UST: variants seen among roughly 807,000 people sequenced by gnomAD.
UST encodes the protein chondroitin sulfate 2-O-sulfotransferase.
UST carries 21 observed loss-of-function variants against 45.6 expected under a neutral mutation model. The observed-to-expected ratio is 0.46, with a 90% CI of 0.33 to 0.66. The LOEUF is 0.66. UST is among the 30% of genes least tolerant of loss of function. The probability of loss-of-function intolerance (pLI) is 0.02; values close to 1 mark genes in which losing one functional copy is unlikely to be tolerated. For synonymous variants in UST, 215 were observed against 200.6 expected (o/e 1.07, Z -0.61); for missense variants, 463 against 512.4 (o/e 0.90, Z 0.93).
rs1039993938 is a variant in UST, at chr6:148,923,051, G to A, written c.292-18228G>A. Among the ~76,000 whole-genome samples the A allele has an allele frequency of 1.4e-4, 21 of 152,220 alleles. No individual in the cohort carries two copies. The East Asian group carries it at 3.9e-3, about 28-fold the overall frequency. ...GGCCTCAAGTGATCCACCCATCTCG[G>A]CCTCCCAAAGTGCTGAGATTACAGG... On this transcript the variant is annotated intron_variant, in intron 2 of 7. Transcript: ENST00000367463.
At chr6:148,878,918 T>A (rs187115142) in intron 1 of UST, among the ~76,000 whole-genome samples, 2 of 152,056 alleles carry the variant, frequency 1.3e-5, no homozygotes. Flanking sequence ...TTAAGTCAAG[T>A]GGGGCCCAGA....
intron 1 of UST, among the ~76,000 whole-genome samples, chr6:148,871,092 G>A (rs1046870542): frequency 2.4e-5 from 3 of 123,708 alleles, no homozygotes; most frequent in Non-Finnish European, 4.8e-5. Context: ...TTATAAGGAC[G>A]AAGGAGACAG....
intron 5 of UST, among the ~76,000 whole-genome samples, chr6:148,968,194 A>G (rs1309452301): frequency 1.3e-5 from 2 of 152,172 alleles, no homozygotes; most frequent in Non-Finnish European, 2.9e-5. Flanking sequence ...TTGATGTAAC[A>G]TCGTCTCTCC....
At chr6:148,981,066 A>G (rs62426133) in intron 5 of UST, among the ~76,000 whole-genome samples, 11,782 of 152,082 alleles carry the variant, frequency 0.077, 588 homozygotes, top group Non-Finnish European at 0.11. Flanking sequence ...CCTCCTATCC[A>G]TCGTTCAAAT....
At chr6:148,995,117 C>T (rs28412393) in intron 5 of UST, among the ~76,000 whole-genome samples, 4 of 152,092 alleles carry the variant, frequency 2.6e-5, no homozygotes, top group East Asian at 1.9e-4. Flanking sequence ...CTCCGCCTCC[C>T]GGGTTCAAGC....
intron 1 of UST, among the ~76,000 whole-genome samples, chr6:148,871,138 C>CTCTCTCTCTCTCTCTA (rs1778547709): frequency 6.7e-6 from 1 of 150,224 alleles, no homozygotes; most frequent in Non-Finnish European, 1.5e-5. Flanking sequence ...CTCTCTCTCT[C>CTCTCTCTCTCTCTCTA]TCTCTCTCCC....
chr6:148,757,375 T>C (rs977282266), intron 1 of UST, among the ~76,000 whole-genome samples: 1 of 152,252 alleles, frequency 6.6e-6, no homozygotes, highest in African/African-American at 2.4e-5. Context: ...ATAGCTGTTA[T>C]TTCTGTAGGT....
At chr6:148,840,908 T>G (rs1338620216) in intron 1 of UST, among the ~76,000 whole-genome samples, 1 of 152,154 alleles carries the variant, frequency 6.6e-6, no homozygotes, top group Non-Finnish European at 1.5e-5. Flanking sequence ...GTGGTCACCC[T>G]GGTGGGTGGT....
At chr6:148,873,955 GA>G (rs1413413669) in intron 1 of UST, among the ~76,000 whole-genome samples, 1 of 152,250 alleles carries the variant, frequency 6.6e-6, no homozygotes, top group Non-Finnish European at 1.5e-5. Flanking sequence ...GCACATGATG[GA>G]AAGTGTCAAT....
chr6:148,926,500 C>G (rs1779817487), intron 2 of UST, among the ~76,000 whole-genome samples: 1 of 152,194 alleles, frequency 6.6e-6, no homozygotes, highest in Non-Finnish European at 1.5e-5. Flanking sequence ...TATCTTCGTT[C>G]TCTGTCTTCA....
At chr6:148,966,481 C>T (rs2114961928) in intron 5 of UST, among the ~76,000 whole-genome samples, 1 of 152,122 alleles carries the variant, frequency 6.6e-6, no homozygotes, top group East Asian at 1.9e-4. Context: ...AAAGTTAGAA[C>T]CAAAGGACAG....
At chr6:148,910,203 C>T (rs1288094852) in intron 2 of UST, among the ~76,000 whole-genome samples, 10 of 146,646 alleles carry the variant, frequency 6.8e-5, no homozygotes, top group Admixed American at 4.9e-4. Flanking sequence ...TGCAATGGCA[C>T]GATCTTGGCT....
At chr6:148,942,494 G>T (rs1780147403) in intron 3 of UST, among the ~76,000 whole-genome samples, 2 of 152,110 alleles carry the variant, frequency 1.3e-5, no homozygotes. Flanking sequence ...GAAGGCAGAG[G>T]TTGCAGTGAG....
chr6:149,062,500 C>T (rs892130015), intron 7 of UST, among the ~76,000 whole-genome samples: 1 of 152,214 alleles, frequency 6.6e-6, no homozygotes, highest in Non-Finnish European at 1.5e-5. Flanking sequence ...AAGACACAGT[C>T]CCTTTCAGTG....
chr6:148,916,384 T>C (rs1469286909), intron 2 of UST, among the ~76,000 whole-genome samples: 1 of 152,132 alleles, frequency 6.6e-6, no homozygotes, highest in Non-Finnish European at 1.5e-5. Flanking sequence ...ATTTTGCAAA[T>C]TGTGAAGGGA....
chr6:149,021,942 T>TAAAAGCACTCTAGTGTATC, intron 7 of UST, among the ~76,000 whole-genome samples: 1 of 152,200 alleles, frequency 6.6e-6, no homozygotes, highest in East Asian at 1.9e-4. Context: ...TTCCATTTGA[T>TAAAAGCACTCTAGTGTATC]AAAAGCACTC....
At chr6:148,978,817 T>C (rs370865682) in intron 5 of UST, among the ~76,000 whole-genome samples, 1 of 152,320 alleles carries the variant, frequency 6.6e-6, no homozygotes, top group East Asian at 1.9e-4. Context: ...TCAGCATATG[T>C]ATTCCAGAAC....
intron 5 of UST, chr6:148,964,781 T>C (rs1052294165): frequency 6.5e-6 from 4 of 611,886 alleles, no homozygotes; most frequent in African/African-American, 1.9e-5. Context: ...ATTTTCTGAT[T>C]TTGCTTTGCT....
In UST at chr6:148,908,745, G is replaced by A. The variant is rs149104065; in HGVS notation, c.291+21716G>A. ...CAGCTACCTATATCTAGTTCAAAAC[G>A]TGCCAATGAAAGATCTGTTTTCCCT... On this transcript the variant is annotated intron_variant, in intron 2 of 7. Coordinates refer to ENST00000367463, the MANE Select transcript of UST (RefSeq NM_005715.3). 1.2e-3 allele frequency among the ~76,000 whole-genome samples: 190 copies of A among 152,130 alleles called. 1 individual carries two copies. Among genetic ancestry groups the A allele is most frequent in the African/African-American group, 4.4e-3 (182 of 41,498 alleles).
Sources: gnomAD v4.1 joint callset for allele counts (sites outside exome capture counted in the v4.1 genomes callset) on GRCh38, gnomAD v4.1.1 for gene constraint, MANE v1.5 for transcripts, NCBI Gene and HGNC (gene_info 2026-07-23, HGNC 2026-07-21) for gene names.